PMPCB: variants seen among roughly 807,000 people sequenced by gnomAD.
PMPCB encodes the protein mitochondrial-processing peptidase subunit beta.
In PMPCB, 46 loss-of-function variants were observed where a neutral mutation model predicts 61.5. The ratio of observed to expected loss-of-function variants is 0.75; its 90% CI spans 0.59 to 0.96. The LOEUF (loss-of-function observed/expected upper bound fraction) is 0.96, where lower values mean the gene tolerates loss of function less well. Among genes scored for constraint, PMPCB ranks in the 40% least tolerant of loss-of-function variants. The pLI is 0.00. For missense variants in PMPCB, 590 were observed against 602.4 expected (o/e 0.98, Z 0.22); for synonymous variants, 191 against 201.6 (o/e 0.95, Z 0.44).
chr7:103,319,927 C>G lies in PMPCB; in HGVS notation c.*1431+7796C>G, dbSNP rs527526626. On this transcript the variant is annotated intron_variant and NMD_transcript_variant, in intron 12 of 12. Transcript: ENST00000444457. ...TTACAAAGCTGTAATCCCAGCTACT[C>G]GGGAGGCTGAGGCAGGAGAATCGCT... 5 of 1,464,026 alleles carry G rather than the reference C, an allele frequency of 3.4e-6. No individual in the cohort carries two copies. In the South Asian group the frequency reaches 4.6e-5, roughly 14 times the overall value. The allele number at this position is 1,464,026 out of a possible 1,614,324, so 90.7% of individuals were successfully genotyped here.
intron 7 of PMPCB, among the ~76,000 whole-genome samples, chr7:103,308,587 C>T (rs948654021): frequency 3.3e-5 from 5 of 151,966 alleles, no homozygotes; most frequent in African/African-American, 1.2e-4. Flanking sequence ...CCACTGCACT[C>T]CAGGCTGGGC....
At chr7:103,337,968 T>C in the PMPCB span, among the ~76,000 whole-genome samples, 6 of 152,106 alleles carry the variant, frequency 3.9e-5, no homozygotes, top group Admixed American at 2.0e-4. Context: ...TCAGGTAAGG[T>C]TGAGAAATGT....
At chr7:103,333,536 A>T (rs945843564), downstream of PMPCB, among the ~76,000 whole-genome samples, 1 of 152,242 alleles carries the variant, frequency 6.6e-6, no homozygotes, top group Non-Finnish European at 1.5e-5. Context: ...AAATGCCCAG[A>T]TTTTAAGCAT....
intron 9 of PMPCB, chr7:103,310,704 G>A (rs1817718096): frequency 4.9e-6 from 1 of 202,628 alleles, no homozygotes; most frequent in East Asian, 1.2e-4. Flanking sequence ...TTGAGATGAG[G>A]TCTTGCTCTG....
At chr7:103,298,518 G>C (rs757826675) in intron 1 of PMPCB, 50 bp from the exon 2 acceptor site, 4 of 1,560,410 alleles carry the variant, frequency 2.6e-6, no homozygotes, top group South Asian at 2.3e-5. Context: ...TTTAATATCA[G>C]ATTAGTAATG....
intron 12 of PMPCB, among the ~76,000 whole-genome samples, chr7:103,321,627 C>T (rs533206362): frequency 1.3e-5 from 2 of 150,608 alleles, no homozygotes; most frequent in Non-Finnish European, 3.0e-5. Context: ...GCGGGGAGAT[C>T]ACTTGAGGTC....
intron 4 of PMPCB, 116 bp from the exon 5 acceptor site, chr7:103,303,725 TA>T: frequency 1.5e-6 from 1 of 659,074 alleles, no homozygotes; most frequent in Non-Finnish European, 2.6e-6. Context: ...TCTCCTAGGC[TA>T]ATCATTTAGT....
chr7:103,322,414 G>A (rs1174641654), intron 12 of PMPCB: 19 of 1,227,828 alleles, frequency 1.5e-5, no homozygotes, highest in Admixed American at 8.4e-5. Context: ...CTCTGCTTTC[G>A]AATTATAGTT....
chr7:103,324,639 A>T, intron 12 of PMPCB: 1 of 1,207,376 alleles, frequency 8.3e-7, no homozygotes, highest in Non-Finnish European at 1.1e-6. Context: ...TTAATTTATT[A>T]AAAACAATAA....
At position 103,309,074 on chromosome 7, in the gene PMPCB, T is replaced by G. The variant is rs994269867; in HGVS notation, c.972T>G (p.Asp324Glu). 2 of 1,607,054 alleles carry G rather than the reference T, an allele frequency of 1.2e-6. No individual in the cohort carries two copies. Among genetic ancestry groups the G allele is most frequent in the Admixed American group, 3.4e-5 (2 of 59,006 alleles). Residue 324 changes from aspartate to glutamate, a missense_variant, in exon 8 of 13, where the codon GAT (aspartate) becomes GAG (glutamate). Asp to Glu is a conservative substitution (Grantham distance 45). Transcript: ENST00000249269. ...MVANTLIGNW[D>E]RSFGGGMNLS... is the part of the protein sequence containing the mutation. ...CAAACACGCTGATTGGCAACTGGGA[T>G]CGCTCTTTTGGGGGAGGAATGGTAA...
At chr7:103,319,838 T>G in intron 12 of PMPCB, 2 of 1,614,098 alleles carry the variant, frequency 1.2e-6, no homozygotes, top group Non-Finnish European at 1.7e-6. Flanking sequence ...GAAAAATGAT[T>G]CCAGGTCTAA....
At chr7:103,347,407 G>T in the PMPCB span, 18 of 237,588 alleles carry the variant, frequency 7.6e-5, no homozygotes, top group Admixed American at 2.3e-4. Context: ...ATATATTCTG[G>T]ATATTAACTC....
chr7:103,302,794 T>C (rs935875463), intron 4 of PMPCB, among the ~76,000 whole-genome samples: 2 of 152,122 alleles, frequency 1.3e-5, no homozygotes, highest in African/African-American at 2.4e-5. Context: ...TCTTGGCTAC[T>C]TGGAGGAAGC....
chr7:103,344,853 T>C, the PMPCB span: 1 of 589,746 alleles, frequency 1.7e-6, no homozygotes, highest in South Asian at 2.0e-5. Flanking sequence ...AACCTAGTTC[T>C]ATACTGACTG....
chr7:103,346,062 T>G, the PMPCB span, among the ~76,000 whole-genome samples: 4 of 152,140 alleles, frequency 2.6e-5, no homozygotes, highest in Non-Finnish European at 5.9e-5. Flanking sequence ...TTTCTTCATA[T>G]TAATATATTT....
Position 103,311,673 on chromosome 7 carries a change from T to C in PMPCB, c.1185T>C (p.Ser395=). ...WMRLCTSVTE[S]EVARARNLLK... ...GACTCTGTACAAGTGTCACAGAAAG[T>C]GAGGTTGCACGAGCCAGAAATCTTC... The change falls in exon 10 of 13, where the codon AGT becomes AGC. Residue 395 remains serine, a synonymous_variant. Transcript: ENST00000249269. 2 of 1,614,010 alleles carry C rather than the reference T, an allele frequency of 1.2e-6. No individual in the cohort carries two copies. The highest frequency in any genetic ancestry group is 1.7e-6 in the Non-Finnish European group (2 of 1,179,930).
chr7:103,327,659 T>C, intron 12 of PMPCB: 1 of 1,587,056 alleles, frequency 6.3e-7, no homozygotes, highest in Admixed American at 1.7e-5. Flanking sequence ...TTCTTACCTT[T>C]AGTTATGCAA....
intron 1 of PMPCB, chr7:103,297,812 G>C (rs1817329417): frequency 5.3e-6 from 8 of 1,523,280 alleles, no homozygotes; most frequent in African/African-American, 1.4e-5. Flanking sequence ...ACTGAGGAGT[G>C]CATGTTTGAC....
chr7:103,306,868 G>A (rs1271900974), intron 6 of PMPCB, among the ~76,000 whole-genome samples: 1 of 152,142 alleles, frequency 6.6e-6, no homozygotes, highest in African/African-American at 2.4e-5. Flanking sequence ...CAGTTCTCCT[G>A]CCTCAGCCTC....
Sources: allele counts gnomAD v4.1 joint callset (sites outside exome capture counted in the v4.1 genomes callset), GRCh38; gene constraint gnomAD v4.1.1; transcripts MANE v1.5; gene names NCBI Gene and HGNC (gene_info 2026-07-23, HGNC 2026-07-21).